The following ACTR3C variants were observed in gnomAD, a reference collection of about 807,000 sequenced individuals.
ACTR3C encodes actin-related protein 3C.
Under a neutral mutation model 26.3 loss-of-function variants are expected in ACTR3C, and 18 were observed. The observed-to-expected ratio is 0.68, with a 90% confidence interval of 0.47 to 1.01. The LOEUF (loss-of-function observed/expected upper bound fraction) is 1.01. Among genes scored for constraint, ACTR3C ranks in the 50% least tolerant of loss-of-function variants. ACTR3C has a pLI of 0.00. For missense variants in ACTR3C, 184 were observed against 250.7 expected, an observed-to-expected ratio of 0.73 and a Z score of 1.80; for synonymous variants, 55 against 94.5, an observed-to-expected ratio of 0.58 and a Z score of 2.42.
At chr7:150,005,524 C>G in the ACTR3C span, among the ~76,000 whole-genome samples, 27 of 152,054 alleles carry the variant, frequency 1.8e-4, 1 homozygote, top group South Asian at 3.1e-3. Flanking sequence ...CACCTCCTTG[C>G]GTTACTGACC....
the ACTR3C span, among the ~76,000 whole-genome samples, chr7:150,037,069 G>A: frequency 0.012 from 1,029 of 84,052 alleles, 110 homozygotes; most frequent in African/African-American, 0.04. Context: ...CCTCGCGGGG[G>A]GTGCCTCCCC....
the ACTR3C span, among the ~76,000 whole-genome samples, chr7:150,154,608 T>G: frequency 6.6e-6 from 1 of 152,196 alleles, no homozygotes; most frequent in Non-Finnish European, 1.5e-5. Context: ...TTTGGTTTTG[T>G]GTCCAGCAGA....
At chr7:149,941,133 A>C in the ACTR3C span, among the ~76,000 whole-genome samples, 19 of 152,234 alleles carry the variant, frequency 1.2e-4, no homozygotes, top group Admixed American at 9.8e-4. Context: ...TACACAACCC[A>C]GCAACAGTGG....
the ACTR3C span, among the ~76,000 whole-genome samples, chr7:150,117,268 G>A: frequency 6.6e-6 from 1 of 152,226 alleles, no homozygotes; most frequent in Non-Finnish European, 1.5e-5. Context: ...CTGAGGCCAG[G>A]GAGCCAAGTG....
At chr7:150,235,675 A>G in the ACTR3C span, among the ~76,000 whole-genome samples, 1 of 152,200 alleles carries the variant, frequency 6.6e-6, no homozygotes, top group African/African-American at 2.4e-5. Context: ...TCGGCTACCA[A>G]TTTAGCTTGC....
the ACTR3C span, among the ~76,000 whole-genome samples, chr7:150,031,917 G>T: frequency 2.0e-5 from 3 of 152,328 alleles, no homozygotes; most frequent in East Asian, 5.8e-4. Context: ...GGGCACTCAG[G>T]CTGTATTGTT....
the ACTR3C span, among the ~76,000 whole-genome samples, chr7:149,987,342 G>T: frequency 1.3e-4 from 20 of 150,940 alleles, no homozygotes; most frequent in African/African-American, 3.4e-4. Context: ...GAGGCGGGTG[G>T]ATCACTTGAG....
the ACTR3C span, among the ~76,000 whole-genome samples, chr7:150,133,206 G>A: frequency 2.0e-5 from 3 of 152,080 alleles, no homozygotes; most frequent in South Asian, 2.1e-4. Context: ...GGTTGGACGC[G>A]AGCTTTGTAA....
the ACTR3C span, among the ~76,000 whole-genome samples, chr7:149,964,647 G>A: frequency 1.3e-5 from 2 of 152,192 alleles, no homozygotes; most frequent in African/African-American, 4.8e-5. Context: ...TCAGTTACTT[G>A]TTTCCTTTTA....
chr7:150,094,693 C>T, the ACTR3C span, among the ~76,000 whole-genome samples: 1 of 150,512 alleles, frequency 6.6e-6, no homozygotes, highest in Non-Finnish European at 1.5e-5. Flanking sequence ...CTTCAGCCCG[C>T]CTGACCCCAT....
the ACTR3C span, among the ~76,000 whole-genome samples, chr7:149,901,641 C>T: frequency 6.6e-6 from 1 of 151,792 alleles, no homozygotes; most frequent in African/African-American, 2.4e-5. Flanking sequence ...AACAATGGGC[C>T]GGCACAGTGG....
the ACTR3C span, among the ~76,000 whole-genome samples, chr7:150,238,027 G>T: frequency 6.7e-6 from 1 of 150,170 alleles, no homozygotes; most frequent in African/African-American, 2.5e-5. Flanking sequence ...CCTTCCCACT[G>T]AACTTCTTGA....
intron 4 of ACTR3C, among the ~76,000 whole-genome samples, chr7:150,288,007 G>A (rs192279373): frequency 6.8e-6 from 1 of 146,820 alleles, no homozygotes; most frequent in Non-Finnish European, 1.5e-5. Context: ...ACTCCCTCAG[G>A]CCTGTTCGCG....
At chr7:149,982,541 A>G in the ACTR3C span, among the ~76,000 whole-genome samples, 40,170 of 151,902 alleles carry the variant, frequency 0.26, 5,404 homozygotes, top group South Asian at 0.31. Flanking sequence ...ACCAAGAGTC[A>G]GAAAGCTTAA....
At chr7:150,057,908 T>C in the ACTR3C span, among the ~76,000 whole-genome samples, 2 of 152,224 alleles carry the variant, frequency 1.3e-5, no homozygotes, top group African/African-American at 4.8e-5. Flanking sequence ...CTATCTCCCA[T>C]TGAAGTCGTT....
In ACTR3C at chr7:150,313,571, T is replaced by C. The variant is rs577180358; in HGVS notation, c.-52+9898A>G. On this transcript the variant is annotated intron_variant, in intron 1 of 7. Transcript: ENST00000683684. ...GATGTTAATTCCGGTTAGCTCTTCC[T>C]GAAATCAAGAAGGGAGGGGGGTACA... Among the ~76,000 whole-genome samples the C allele has an allele frequency of 1.8e-4, 28 of 152,298 alleles. No homozygotes were observed. In the South Asian group the frequency reaches 5.8e-3, roughly 32 times the overall value.
the ACTR3C span, among the ~76,000 whole-genome samples, chr7:149,932,502 A>G: frequency 6.6e-6 from 1 of 152,262 alleles, no homozygotes; most frequent in East Asian, 1.9e-4. Flanking sequence ...TCAAGGAAGC[A>G]GTAAAACAAA....
chr7:150,031,846 T>G, the ACTR3C span, among the ~76,000 whole-genome samples: 1 of 152,146 alleles, frequency 6.6e-6, no homozygotes, highest in Non-Finnish European at 1.5e-5. Context: ...CACTGCTGGT[T>G]GTGTTTTCCT....
At chr7:150,099,745 C>T in the ACTR3C span, among the ~76,000 whole-genome samples, 5 of 151,526 alleles carry the variant, frequency 3.3e-5, no homozygotes, top group Non-Finnish European at 7.4e-5. Flanking sequence ...TAGGGTGGAT[C>T]TCTGGGTCTG....
Sources: allele counts gnomAD v4.1 joint callset (sites outside exome capture counted in the v4.1 genomes callset), GRCh38; gene constraint gnomAD v4.1.1; transcripts MANE v1.5; gene names NCBI Gene and HGNC (gene_info 2026-07-23, HGNC 2026-07-21).